CDYL2: variants seen among roughly 807,000 people sequenced by gnomAD.
The protein encoded by CDYL2 is chromodomain Y like 2.
A neutral mutation model predicts 49.4 loss-of-function variants in CDYL2; 23 were observed. The observed-to-expected ratio is 0.47, with a 90% CI of 0.34 to 0.66. The LOEUF is 0.66. Among genes scored for constraint, CDYL2 ranks in the 30% least tolerant of loss-of-function variants. The pLI is 0.01. For missense variants in CDYL2, 678 were observed against 656.4 expected, an observed-to-expected ratio of 1.03 and a Z score of -0.36; for synonymous variants, 360 against 268.8, an observed-to-expected ratio of 1.34 and a Z score of -3.32.
At chr16:80,689,391 G>A (rs1269596359) in intron 1 of CDYL2, among the ~76,000 whole-genome samples, 1 of 152,176 alleles carries the variant, frequency 6.6e-6, no homozygotes, top group Non-Finnish European at 1.5e-5. Context: ...ATCACTTTCA[G>A]GTGTTAGATT....
At chr16:80,616,642 C>G (rs1475805167) in intron 4 of CDYL2, among the ~76,000 whole-genome samples, 1 of 152,132 alleles carries the variant, frequency 6.6e-6, no homozygotes, top group African/African-American at 2.4e-5. Flanking sequence ...CAGAGAGGTC[C>G]CTGGCAGGCC....
At chr16:80,776,935 G>A (rs112596409) in intron 1 of CDYL2, among the ~76,000 whole-genome samples, 1,909 of 151,228 alleles carry the variant, frequency 0.013, 45 homozygotes, top group African/African-American at 0.044. Flanking sequence ...CTCCTGCCTC[G>A]GCCTCCCGAA....
chr16:80,609,736 A>G (rs1479346110), intron 5 of CDYL2, among the ~76,000 whole-genome samples: 1 of 152,142 alleles, frequency 6.6e-6, no homozygotes, highest in East Asian at 1.9e-4. Flanking sequence ...CTCAGACACC[A>G]TACCCTGCAG....
chr16:80,761,635 G>A (rs75209691), intron 1 of CDYL2, among the ~76,000 whole-genome samples: 1 of 152,066 alleles, frequency 6.6e-6, no homozygotes, highest in African/African-American at 2.4e-5. Context: ...AGAGAGGCCA[G>A]GAAGACCAGA....
chr16:80,704,664 T>C (rs943732239), intron 1 of CDYL2, among the ~76,000 whole-genome samples: 2 of 152,212 alleles, frequency 1.3e-5, no homozygotes, highest in Non-Finnish European at 2.9e-5. Context: ...TGCCACTGAT[T>C]GGAACAGGGC....
At chr16:80,615,904 G>A (rs1050617588) in intron 4 of CDYL2, among the ~76,000 whole-genome samples, 10 of 152,122 alleles carry the variant, frequency 6.6e-5, no homozygotes, top group Non-Finnish European at 1.3e-4. Context: ...CTATCACTGG[G>A]AGCCAAGCAG....
At chr16:80,761,445 T>C (rs1906526214) in intron 1 of CDYL2, among the ~76,000 whole-genome samples, 1 of 152,192 alleles carries the variant, frequency 6.6e-6, no homozygotes, top group Non-Finnish European at 1.5e-5. Flanking sequence ...TGACGTCTAG[T>C]AAAAGTGCCC....
intron 2 of CDYL2, among the ~76,000 whole-genome samples, chr16:80,645,465 C>A (rs982730144): frequency 6.6e-6 from 1 of 152,090 alleles, no homozygotes; most frequent in Non-Finnish European, 1.5e-5. Context: ...GAATGGCAAT[C>A]ATTAAAAAGT....
intron 2 of CDYL2, among the ~76,000 whole-genome samples, chr16:80,638,222 G>T (rs1268280485): frequency 6.6e-6 from 1 of 152,056 alleles, no homozygotes; most frequent in Non-Finnish European, 1.5e-5. Context: ...CTACAGGCAT[G>T]TGGTAACACA....
chr16:80,775,326 G>A (rs1907045154), intron 1 of CDYL2, among the ~76,000 whole-genome samples: 1 of 151,618 alleles, frequency 6.6e-6, no homozygotes, highest in African/African-American at 2.4e-5. Flanking sequence ...TAAGGAAGTA[G>A]GTATGATACA....
At chr16:80,633,738 C>T (rs149961382) in intron 2 of CDYL2, among the ~76,000 whole-genome samples, 283 of 152,290 alleles carry the variant, frequency 1.9e-3, no homozygotes, top group Admixed American at 3.9e-3. Context: ...CTTCCTCAGG[C>T]GCTGCCTTGA....
chr16:80,755,353 TC>T (rs1906274887), intron 1 of CDYL2, among the ~76,000 whole-genome samples: 1 of 151,668 alleles, frequency 6.6e-6, no homozygotes, highest in South Asian at 2.1e-4. Context: ...CACCTAAGAG[TC>T]CCCCTCAGGA....
At chr16:80,618,838 C>A (rs1314158979) in intron 4 of CDYL2, among the ~76,000 whole-genome samples, 1 of 152,150 alleles carries the variant, frequency 6.6e-6, no homozygotes, top group Non-Finnish European at 1.5e-5. Context: ...CAGGATGGGC[C>A]CTTGCCTAAG....
chr16:80,702,219 A>C (rs915001645), intron 1 of CDYL2, among the ~76,000 whole-genome samples: 1 of 135,584 alleles, frequency 7.4e-6, no homozygotes, highest in African/African-American at 3.2e-5. Flanking sequence ...CACACACACA[A>C]AACTATAAAA....
intron 3 of CDYL2, among the ~76,000 whole-genome samples, chr16:80,630,218 T>C (rs576403601): frequency 9.2e-5 from 14 of 152,326 alleles, no homozygotes; most frequent in African/African-American, 3.4e-4. Flanking sequence ...ACTGTTTTCC[T>C]CCTGTTCTGT....
At chr16:80,661,431 G>A (rs966963476) in intron 2 of CDYL2, among the ~76,000 whole-genome samples, 1 of 152,166 alleles carries the variant, frequency 6.6e-6, no homozygotes, top group African/African-American at 2.4e-5. Flanking sequence ...AAGTTGCTGA[G>A]TGCCTACTAT....
intron 1 of CDYL2, among the ~76,000 whole-genome samples, chr16:80,686,052 G>C (rs576243116): frequency 6.6e-6 from 1 of 152,318 alleles, no homozygotes; most frequent in African/African-American, 2.4e-5. Context: ...TTTTCCATTT[G>C]ATAGATGAAG....
At chr16:80,671,061 G>A (rs7189264) in intron 2 of CDYL2, 9 of 451,804 alleles carry the variant, frequency 2.0e-5, no homozygotes, top group Admixed American at 1.4e-4. Context: ...GACCCCAGTG[G>A]AGGCTTCTCT....
intron 2 of CDYL2, among the ~76,000 whole-genome samples, chr16:80,683,987 T>C (rs577230632): frequency 1.8e-4 from 27 of 152,296 alleles, no homozygotes; most frequent in African/African-American, 6.3e-4. Context: ...AGGTCAATCA[T>C]CCAACCTAGA....
Sources: gnomAD v4.1 joint callset for allele counts (sites outside exome capture counted in the v4.1 genomes callset) on GRCh38, gnomAD v4.1.1 for gene constraint, MANE v1.5 for transcripts, NCBI Gene and HGNC (gene_info 2026-07-23, HGNC 2026-07-21) for gene names.